The following SLC26A7 variants were observed in gnomAD, a reference collection of about 807,000 sequenced individuals.
The protein encoded by SLC26A7 is anion exchange transporter.
A neutral mutation model predicts 82.5 loss-of-function variants in SLC26A7; 59 were observed. That is an observed-to-expected ratio of 0.72 (90% CI 0.58 to 0.89). The LOEUF (loss-of-function observed/expected upper bound fraction) is 0.89, where lower values mean the gene tolerates loss of function less well. SLC26A7 is among the 40% of genes least tolerant of loss of function. The pLI, the probability that SLC26A7 is intolerant of heterozygous loss-of-function variation, is 0.00. For missense variants in SLC26A7, 820 were observed against 793.0 expected, an observed-to-expected ratio of 1.03 and a Z score of -0.41; for synonymous variants, 271 against 274.3, an observed-to-expected ratio of 0.99 and a Z score of 0.12.
Position 91,351,899 on chromosome 8 carries a change from CT to C in SLC26A7, c.1218+17del. 3.8e-6 allele frequency: 6 copies of C among 1,567,886 alleles called. No individual in the cohort carries two copies. Among genetic ancestry groups the C allele is most frequent in the Non-Finnish European group, 5.3e-6 (6 of 1,139,820 alleles). Reference sequence around the variant, plus strand: ...ACTGGCTGCCCATGGTACGGTAGTGCTTTTTCACTATCTACTTTTTAATTTA... The same window carrying C: ...ACTGGCTGCCCATGGTACGGTAGTGCTTTTCACTATCTACTTTTTAATTTA... On this transcript the variant is annotated intron_variant, in intron 10 of 18. Coordinates refer to ENST00000276609, the MANE Select transcript of SLC26A7 (RefSeq NM_052832.4).
chr8:91,313,062 A>G (rs565036065), intron 4 of SLC26A7, among the ~76,000 whole-genome samples: 2 of 152,110 alleles, frequency 1.3e-5, no homozygotes, highest in African/African-American at 4.8e-5. Context: ...AGCACTGCCT[A>G]ATCTGATGTT....
At chr8:91,360,220 T>C (rs1405019958) in intron 11 of SLC26A7, among the ~76,000 whole-genome samples, 7 of 152,184 alleles carry the variant, frequency 4.6e-5, no homozygotes, top group Non-Finnish European at 8.8e-5. Flanking sequence ...GGTAATTTAG[T>C]AGCTGTTAAA....
chr8:91,223,643 A>AT lies in SLC26A7; in HGVS notation c.-34+4640dup, dbSNP rs569077200. Among the ~76,000 whole-genome samples the AT allele has an allele frequency of 6.2e-4, 94 of 152,066 alleles. 1 individual carries two copies. The South Asian group carries it at 0.019, about 31-fold the overall frequency. On this transcript the variant is annotated intron_variant, in intron 2 of 5. Coordinates refer to the SLC26A7 transcript ENST00000522862. ...TCCTTTGACCTTGGAGAATCTGATG[A>AT]TTATGTGTCTTTGGGTTAATCTTCT...
chr8:91,316,867 G>A (rs916406083), intron 4 of SLC26A7, among the ~76,000 whole-genome samples: 2 of 151,382 alleles, frequency 1.3e-5, no homozygotes, highest in Admixed American at 1.3e-4. Flanking sequence ...TCAGGAGTTA[G>A]AAGAGGCCAG....
chr8:91,308,545 C>CTAT (rs1210359305), intron 4 of SLC26A7, among the ~76,000 whole-genome samples: 4 of 152,128 alleles, frequency 2.6e-5, no homozygotes, highest in African/African-American at 9.7e-5. Flanking sequence ...GTCAGTTACT[C>CTAT]TATTTTCTCC....
At chr8:91,225,607 C>T (rs1273842153) in intron 2 of SLC26A7, among the ~76,000 whole-genome samples, 1 of 83,612 alleles carries the variant, frequency 1.2e-5, no homozygotes, top group Admixed American at 1.5e-4. Context: ...AATGCTGCTT[C>T]TAGTAAGCCA....
chr8:91,224,040 T>A (rs1313989707), intron 2 of SLC26A7, among the ~76,000 whole-genome samples: 1 of 151,970 alleles, frequency 6.6e-6, no homozygotes, highest in Non-Finnish European at 1.5e-5. Context: ...GTCCTTTATG[T>A]TCCTCTGTAA....
chr8:91,274,469 A>G (rs1057506705), intron 2 of SLC26A7, among the ~76,000 whole-genome samples: 1 of 152,224 alleles, frequency 6.6e-6, no homozygotes, highest in African/African-American at 2.4e-5. Flanking sequence ...AGAGAAACAG[A>G]GAGCAAGAGA....
intron 4 of SLC26A7, among the ~76,000 whole-genome samples, chr8:91,298,763 C>G (rs772672591): frequency 2.0e-5 from 3 of 152,118 alleles, no homozygotes; most frequent in Non-Finnish European, 4.4e-5. Flanking sequence ...CTGTCACTTC[C>G]CTTCCCTAAT....
chr8:91,220,411 T>C (rs959205475), intron 2 of SLC26A7, among the ~76,000 whole-genome samples: 2 of 151,750 alleles, frequency 1.3e-5, no homozygotes, highest in African/African-American at 2.4e-5. Context: ...CTGGGATACA[T>C]GTGCAGACCA....
At chr8:91,309,384 C>A (rs1812412643) in intron 4 of SLC26A7, among the ~76,000 whole-genome samples, 1 of 151,718 alleles carries the variant, frequency 6.6e-6, no homozygotes, top group Admixed American at 6.6e-5. Context: ...CCAGAATGAT[C>A]ATTCTAGCTT....
chr8:91,335,426 G>T (rs1306974591), intron 6 of SLC26A7, among the ~76,000 whole-genome samples: 1 of 152,012 alleles, frequency 6.6e-6, no homozygotes, highest in Non-Finnish European at 1.5e-5. Flanking sequence ...TTTCAAATAA[G>T]CCATAAAAAT....
chr8:91,246,683 AGAGC>A (rs10583161), upstream of SLC26A7, among the ~76,000 whole-genome samples: 4,800 of 151,558 alleles, frequency 0.032, 248 homozygotes, highest in African/African-American at 0.11. Flanking sequence ...CTGGGAGTTA[AGAGC>A]GAGACTCTGT....
At chr8:91,381,304 AT>A in intron 15 of SLC26A7, among the ~76,000 whole-genome samples, 1 of 152,116 alleles carries the variant, frequency 6.6e-6, no homozygotes, top group Non-Finnish European at 1.5e-5. Flanking sequence ...TATCAATTGA[AT>A]TACAACATAT....
chr8:91,338,206 A>C lies in SLC26A7; in HGVS notation c.852A>C (p.Leu284Phe). ...YCTNMENTYG[L>F]EVVGHIPQGI... is the part of the protein sequence containing the mutation. ...CCAATATGGAAAACACATATGGATT[A>C]GAAGTAGTTGGTCATATTCCACAAG... Residue 284 changes from leucine (L) to phenylalanine (F), a missense_variant, in exon 7 of 19, where the codon TTA becomes TTC. Leu to Phe is a conservative substitution (Grantham distance 22, BLOSUM62 0). Coordinates refer to ENST00000276609, the MANE Select transcript of SLC26A7 (RefSeq NM_052832.4). The C allele has an allele frequency of 6.2e-7, 1 of 1,609,644 alleles. No individual in the cohort carries two copies. Among genetic ancestry groups the C allele is most frequent in the Non-Finnish European group, 8.5e-7 (1 of 1,178,264 alleles).
intron 2 of SLC26A7, among the ~76,000 whole-genome samples, chr8:91,265,952 T>A (rs931478740): frequency 2.0e-5 from 3 of 152,066 alleles, no homozygotes; most frequent in African/African-American, 7.2e-5. Context: ...AGAATCCCAT[T>A]AATCTATTTT....
intron 2 of SLC26A7, among the ~76,000 whole-genome samples, chr8:91,225,790 C>T (rs1810230496): frequency 1.3e-5 from 2 of 150,762 alleles, no homozygotes; most frequent in Admixed American, 6.7e-5. Context: ...GGCTCCCTAA[C>T]TTCTCCTTTC....
chr8:91,360,817 G>C (rs1388872197), intron 11 of SLC26A7, among the ~76,000 whole-genome samples: 1 of 152,070 alleles, frequency 6.6e-6, no homozygotes, highest in African/African-American at 2.4e-5. Flanking sequence ...ATTCAGTTAG[G>C]ATTTGAAAAT....
intron 5 of SLC26A7, among the ~76,000 whole-genome samples, chr8:91,334,068 G>A (rs987623310): frequency 2.0e-5 from 3 of 152,168 alleles, no homozygotes; most frequent in Non-Finnish European, 2.9e-5. Context: ...TCTTATGTAG[G>A]AAGGTGCAAA....
Sources: allele counts gnomAD v4.1 joint callset (sites outside exome capture counted in the v4.1 genomes callset), GRCh38; gene constraint gnomAD v4.1.1; transcripts MANE v1.5; gene names NCBI Gene and HGNC (gene_info 2026-07-23, HGNC 2026-07-21).